The following SYNE1 variants were observed in gnomAD, a reference collection of about 807,000 sequenced individuals.
SYNE1 encodes spectrin repeat containing nuclear envelope protein 1, also known as nesprin-1.
In SYNE1, 616 loss-of-function variants were observed where a neutral mutation model predicts 1,111.0. That is an observed-to-expected ratio of 0.55 (90% CI 0.52 to 0.59). The LOEUF (loss-of-function observed/expected upper bound fraction) is 0.59. Ranked by LOEUF, SYNE1 falls within the 20% of genes least tolerant of loss-of-function variation. The pLI is 0.00. For missense variants in SYNE1, 10,006 were observed against 10,417.0 expected (o/e 0.96, Z 1.72); for synonymous variants, 3,855 against 3,825.8 (o/e 1.01, Z -0.28).
chr6:152,319,637 G>A (rs542472811), intron 84 of SYNE1, among the ~76,000 whole-genome samples: 7 of 152,190 alleles, frequency 4.6e-5, no homozygotes, highest in African/African-American at 1.2e-4. Flanking sequence ...ATAAAATGCC[G>A]AAGAAAAGAC....
intron 93 of SYNE1, among the ~76,000 whole-genome samples, chr6:152,295,079 G>A (rs570135702): frequency 1.3e-5 from 2 of 152,304 alleles, no homozygotes; most frequent in East Asian, 3.9e-4. Flanking sequence ...GCAGTGTCAT[G>A]CGGTAGAATG....
rs118027817 is a variant in SYNE1, at chr6:152,157,606, G to A, written c.23791-1509C>T. The stretch of plus-strand genomic sequence containing the variant: ...CACATAGAAATAATAAATACCAGAG[G>A]TGACGGACACCCCAAATACCCTGAC... On this transcript the variant is annotated intron_variant, in intron 131 of 145. Coordinates refer to ENST00000367255, the MANE Select transcript of SYNE1 (RefSeq NM_182961.4). Among the ~76,000 whole-genome samples the A allele has an allele frequency of 4.5e-4, 68 of 152,192 alleles. 1 individual carries two copies. In the East Asian group the frequency reaches 0.013, roughly 29 times the overall value.
At chr6:152,452,726 G>T (rs2098661317) in intron 25 of SYNE1, among the ~76,000 whole-genome samples, 1 of 152,186 alleles carries the variant, frequency 6.6e-6, no homozygotes, top group African/African-American at 2.4e-5. Context: ...TCTCCACTGT[G>T]CTGCAGCTAC....
intron 90 of SYNE1, 58 bp from the exon 91 acceptor site, chr6:152,308,690 G>C: frequency 1.3e-6 from 2 of 1,552,614 alleles, no homozygotes; most frequent in Non-Finnish European, 1.7e-6. Context: ...CCAATAACTA[G>C]GTAAGTGATT....
rs373089877 is a variant in SYNE1, at chr6:152,566,218, G to T, written c.68-26197C>A. Among the ~76,000 whole-genome samples, 43 of 152,284 alleles carry T rather than the reference G, an allele frequency of 2.8e-4. No homozygotes were observed. In the South Asian group the frequency reaches 8.5e-3, roughly 30 times the overall value. Reference sequence around the variant, plus strand: ...CCAAGGTTAAGCATCACAGCCCACTGAGATAAGAGTGAAGGAACAAGGGAT... The same window carrying T: ...CCAAGGTTAAGCATCACAGCCCACTTAGATAAGAGTGAAGGAACAAGGGAT... On this transcript the variant is annotated intron_variant, in intron 3 of 145. Transcript: ENST00000367255.
chr6:152,387,321 C>T lies in SYNE1; in HGVS notation c.8238G>A (p.Glu2746=), dbSNP rs139838755. 238 of 1,614,220 alleles carry T rather than the reference C, an allele frequency of 1.5e-4. No homozygotes were observed. In the African/African-American group the frequency reaches 2.8e-3, roughly 19 times the overall value. The part of the protein sequence containing the change: ...NDYVERKNQL[E]QWMESVDQKI... ...TTTGATCCACTGATTCCATCCACTG[C>T]TCCAACTGGTTTTTCCTCTCTACAT... The change falls in exon 54 of 146, where the codon GAG becomes GAA. Residue 2746 remains glutamate, a synonymous_variant. Coordinates refer to ENST00000367255, the MANE Select transcript of SYNE1 (RefSeq NM_182961.4).
rs376070775 is a variant in SYNE1, at chr6:152,608,078, G to A, written c.67+20187C>T. On this transcript the variant is annotated intron_variant, in intron 3 of 145. Transcript: ENST00000367255. Reference sequence around the variant, plus strand: ...GGGAACCTAGATGATGGGTTAATAGGTACAGAAGACCACCATGGCACATGT... The same window carrying A: ...GGGAACCTAGATGATGGGTTAATAGATACAGAAGACCACCATGGCACATGT... Among the ~76,000 whole-genome samples, 4 of 152,168 alleles carry A rather than the reference G, an allele frequency of 2.6e-5. No individual in the cohort carries two copies. In the South Asian group the frequency reaches 8.3e-4, roughly 32 times the overall value.
chr6:152,493,090 A>G (rs891960818), intron 11 of SYNE1, among the ~76,000 whole-genome samples: 2 of 151,840 alleles, frequency 1.3e-5, no homozygotes, highest in Admixed American at 1.3e-4. Context: ...TATCCCCTGC[A>G]CCTGAACCCA....
At chr6:152,139,842 C>T in intron 140 of SYNE1, 108 bp downstream of exon 140, 1 of 1,208,060 alleles carries the variant, frequency 8.3e-7, no homozygotes, top group Admixed American at 1.9e-5. Context: ...TGTTAGATCC[C>T]TTTTCTGCTG....
intron 66 of SYNE1, among the ~76,000 whole-genome samples, chr6:152,357,625 C>G (rs1317277916): frequency 6.6e-6 from 1 of 152,166 alleles, no homozygotes; most frequent in Non-Finnish European, 1.5e-5. Flanking sequence ...AGACCCCTTA[C>G]ATTAGTCTAC....
intron 39 of SYNE1, among the ~76,000 whole-genome samples, chr6:152,421,399 T>C (rs914940124): frequency 3.9e-5 from 6 of 152,180 alleles, no homozygotes; most frequent in Admixed American, 6.5e-5. Flanking sequence ...TGCTGCACTT[T>C]ATATGGATAA....
At chr6:152,404,740 CTA>C (rs1251078746) in intron 45 of SYNE1, 40 of 170,496 alleles carry the variant, frequency 2.3e-4, no homozygotes, top group African/African-American at 7.9e-4. Context: ...TTATTATAGA[CTA>C]TGTGTAATAT....
intron 38 of SYNE1, 22 bp downstream of exon 38, chr6:152,427,671 C>T: frequency 6.2e-7 from 1 of 1,613,786 alleles, no homozygotes; most frequent in Non-Finnish European, 8.5e-7. Context: ...TTTTTTCCTT[C>T]CTCACACTTC....
chr6:152,343,940 C>G, intron 74 of SYNE1, 141 bp downstream of exon 74: 1 of 1,220,950 alleles, frequency 8.2e-7, no homozygotes, highest in Non-Finnish European at 1.2e-6. Context: ...ATGAACTCCA[C>G]TAGAGCCAAC....
intron 62 of SYNE1, among the ~76,000 whole-genome samples, chr6:152,365,884 C>A (rs1166849682): frequency 1.3e-5 from 2 of 152,204 alleles, no homozygotes; most frequent in Non-Finnish European, 2.9e-5. Flanking sequence ...CCATTGCCAC[C>A]AGTTTCTGCT....
intron 3 of SYNE1, among the ~76,000 whole-genome samples, chr6:152,561,461 G>A (rs2099395042): frequency 6.6e-6 from 1 of 151,938 alleles, no homozygotes; most frequent in South Asian, 2.1e-4. Flanking sequence ...TTCCTTTTAT[G>A]GATCACAAGA....
intron 3 of SYNE1, among the ~76,000 whole-genome samples, chr6:152,625,211 G>A (rs533167320): frequency 1.2e-4 from 18 of 152,288 alleles, no homozygotes; most frequent in Admixed American, 4.6e-4. Context: ...CTTGTTTGGA[G>A]GTTCCAGCAG....
At chr6:152,323,799 C>T in intron 81 of SYNE1, 62 bp from the exon 82 acceptor site, 1 of 1,585,968 alleles carries the variant, frequency 6.3e-7, no homozygotes, top group South Asian at 1.1e-5. Flanking sequence ...AATAGGGTAA[C>T]TCCCATAAAA....
At chr6:152,390,892 C>A (rs146413706) in intron 52 of SYNE1, among the ~76,000 whole-genome samples, 5 of 152,064 alleles carry the variant, frequency 3.3e-5, no homozygotes, top group Admixed American at 6.6e-5. Context: ...TTAATCATGG[C>A]CCCTACACAC....
Sources: allele counts gnomAD v4.1 joint callset (sites outside exome capture counted in the v4.1 genomes callset), GRCh38; gene constraint gnomAD v4.1.1; transcripts MANE v1.5; gene names NCBI Gene and HGNC (gene_info 2026-07-23, HGNC 2026-07-21).